Variants in H6PD observed in about 807,000 individuals in gnomAD.
The protein encoded by H6PD is GDH/6PGL endoplasmic bifunctional protein.
Under a neutral mutation model 61.2 loss-of-function variants are expected in H6PD, and 48 were observed. That is an observed-to-expected ratio of 0.78 (90% CI 0.62 to 1.00). H6PD has a LOEUF of 1.00. Among genes scored for constraint, H6PD ranks in the 50% least tolerant of loss-of-function variants. The pLI is 0.00. For missense variants in H6PD, 1,093 were observed against 1,065.0 expected (o/e 1.03, Z -0.37); for synonymous variants, 480 against 457.9 (o/e 1.05, Z -0.62).
At chr1:9,261,888 C>T (rs1638311545) in intron 3 of H6PD, among the ~76,000 whole-genome samples, 171 bp from the exon 4 acceptor site, 1 of 152,250 alleles carries the variant, frequency 6.6e-6, no homozygotes, top group South Asian at 2.1e-4. Context: ...CTTCCTCCCT[C>T]CCTTCTCGTG....
rs1638631122 is a variant in H6PD at position 9,268,172 on chromosome 1, G to C, written c.*3303G>C. 1 of 150,570 alleles carries C rather than the reference G, an allele frequency of 6.6e-6. No individual in the cohort carries two copies. Among genetic ancestry groups the C allele is most frequent in the Non-Finnish European group, 1.5e-5 (1 of 67,844 alleles). The allele number at this position is 150,570 out of a possible 1,614,324, so 9.3% of individuals were successfully genotyped here. On this transcript the variant is annotated 3_prime_UTR_variant, in exon 5 of 5. Transcript: ENST00000377403. The stretch of plus-strand genomic sequence containing the variant: ...GAGGATCACCTGAGCCCAGGAGACT[G>C]AGGCTGCAGTAAGGTGTGATTGCAC...
intron 1 of H6PD, chr1:9,242,772 A>T: frequency 1.0e-5 from 10 of 985,484 alleles, no homozygotes; most frequent in Non-Finnish European, 1.2e-5. Flanking sequence ...GCAGCTCTGA[A>T]GCGCAGCCTG....
intron 1 of H6PD, chr1:9,242,791 C>A: frequency 1.0e-6 from 1 of 985,450 alleles, no homozygotes; most frequent in Non-Finnish European, 1.2e-6. Flanking sequence ...TGCCAGCTGG[C>A]GGCTCCTCCT....
chr1:9,248,102 C>T (rs1641243051), intron 3 of H6PD, among the ~76,000 whole-genome samples: 2 of 152,216 alleles, frequency 1.3e-5, no homozygotes, highest in African/African-American at 2.4e-5. Context: ...CGCTGTGCTG[C>T]CAGCGCTGCG....
At chr1:9,252,724 G>A (rs975948437) in intron 3 of H6PD, among the ~76,000 whole-genome samples, 1 of 152,128 alleles carries the variant, frequency 6.6e-6, no homozygotes, top group Non-Finnish European at 1.5e-5. Flanking sequence ...ATATACTTCG[G>A]CAGTAGAATG....
In H6PD at chr1:9,245,348, G is replaced by T; in HGVS notation, c.414G>T (p.Arg138Ser). Reference sequence around the variant, plus strand: ...ACGCAGGCCTCCGGGAGGCTGGCAGGATCTTCTACTTCTCAGTGCCACCCT... The same window carrying T: ...ACGCAGGCCTCCGGGAGGCTGGCAGTATCTTCTACTTCTCAGTGCCACCCT... ...LQHAGLREAG[R>S]IFYFSVPPFA... The change falls in exon 2 of 5, where the codon AGG becomes AGT. Residue 138 changes from arginine (R) to serine (S), a missense_variant. Coordinates refer to ENST00000377403, the MANE Select transcript of H6PD (RefSeq NM_004285.4). This position sits in a 1 kb window ranked among gnomAD's most constrained non-coding sequence, Gnocchi z 4.8. 6.2e-7 allele frequency: 1 copy of T among 1,614,194 alleles called. No individual in the cohort carries two copies. Among genetic ancestry groups the T allele is most frequent in the South Asian group, 1.1e-5 (1 of 91,084 alleles).
chr1:9,257,398 A>C (rs1176831690), intron 3 of H6PD, among the ~76,000 whole-genome samples: 1 of 152,086 alleles, frequency 6.6e-6, no homozygotes. Context: ...TGGCCTCCCA[A>C]AGTGCTGGGA....
chr1:9,264,132 AG>A lies in H6PD; in HGVS notation c.1642del (p.Ala548ProfsTer16). 1.2e-6 allele frequency: 2 copies of A among 1,613,740 alleles called. No individual in the cohort carries two copies. Among genetic ancestry groups the A allele is most frequent in the Non-Finnish European group, 1.7e-6 (2 of 1,179,882 alleles). On this transcript the variant is annotated frameshift_variant, in exon 5 of 5. Coordinates refer to ENST00000377403, the MANE Select transcript of H6PD (RefSeq NM_004285.4). LOFTEE classifies it high-confidence loss of function. ...AATGCCCAGTGACTTCCAGGTCCTC[AG>A]GGCCAAGTACCGAGAGAGCCCGCTG... ...APMPSDFQVLRAKYRESPLVS... is the reference protein window; with the variant it reads ...APMPSDFQVLXAKYRESPLVS...
rs773959841 is a variant in H6PD at position 9,264,829 on chromosome 1, A to G, written c.2336A>G (p.Gln779Arg). Reference sequence around the variant, plus strand: ...TCGGGTGTCCTGCCGCACTCCGGCCAGCTGGTGTGGTACATGGACTACGAC... The same window carrying G: ...TCGGGTGTCCTGCCGCACTCCGGCCGGCTGGTGTGGTACATGGACTACGAC... The part of the protein sequence containing the change: ...PISGVLPHSG[Q>R]LVWYMDYDAF... Residue 779 changes from glutamine (Q) to arginine (R), a missense_variant, in exon 5 of 5, where the codon CAG becomes CGG. Coordinates refer to ENST00000377403, the MANE Select transcript of H6PD (RefSeq NM_004285.4). 6.2e-7 allele frequency: 1 copy of G among 1,612,556 alleles called. No homozygotes were observed. Among genetic ancestry groups the G allele is most frequent in the East Asian group, 2.2e-5 (1 of 44,878 alleles).
At chr1:9,260,216 G>A (rs1641677187) in intron 3 of H6PD, among the ~76,000 whole-genome samples, 1 of 151,694 alleles carries the variant, frequency 6.6e-6, no homozygotes. Flanking sequence ...GTTGACACTG[G>A]TGTTGCTGTT....
intron 3 of H6PD, 95 bp downstream of exon 3, chr1:9,247,178 T>A: frequency 1.2e-6 from 1 of 856,678 alleles, no homozygotes; most frequent in Non-Finnish European, 2.0e-6. Flanking sequence ...AGGTTTTCTG[T>A]GGGTGTGTGG....
In H6PD at chr1:9,268,895, A is replaced by C. The variant is rs1287098648; in HGVS notation, c.*4026A>C. 6.6e-6 allele frequency: 1 copy of C among 152,232 alleles called. No homozygotes were observed. Among genetic ancestry groups the C allele is most frequent in the East Asian group, 1.9e-4 (1 of 5,200 alleles). The allele number at this position is 152,232 out of a possible 1,614,324, so 9.4% of individuals were successfully genotyped here. A position where few individuals can be genotyped will look rare whatever the true frequency, so the allele number is the denominator to read the frequency against. The stretch of plus-strand genomic sequence containing the variant: ...AGGGAGACGCTTCCCAAAAACCTGC[A>C]GGGCTATTTCCCAGAATTTGGTTTT... On this transcript the variant is annotated 3_prime_UTR_variant, in exon 5 of 5. Transcript: ENST00000377403.
chr1:9,243,881 G>C (rs9434729), intron 1 of H6PD, among the ~76,000 whole-genome samples: 37,896 of 149,396 alleles, frequency 0.25, 6,321 homozygotes, highest in African/African-American at 0.47. Flanking sequence ...GGCGGTGGGA[G>C]GGGGGGTCTG....
rs139257464 is a variant in H6PD, at chr1:9,242,631, C to T, written c.-10-2294C>T. 749 of 985,460 alleles carry T rather than the reference C, an allele frequency of 7.6e-4. 1 individual carries two copies. The African/African-American group carries it at 0.012, about 16-fold the overall frequency. The allele number at this position is 985,460 out of a possible 1,614,324, so 61.0% of individuals were successfully genotyped here. A position where few individuals can be genotyped will look rare whatever the true frequency, so the allele number is the denominator to read the frequency against. ...GGTGGCCATCCGTCACAGCTGTCTG[C>T]AGTCTTCTGGGGTGGGGGCAGAGGT... On this transcript the variant is annotated intron_variant, in intron 1 of 4. Transcript: ENST00000377403.
chr1:9,245,326 C>T lies in H6PD; in HGVS notation c.392C>T (p.Ala131Val), dbSNP rs759551132. 1.2e-6 allele frequency: 2 copies of T among 1,614,198 alleles called. No homozygotes were observed. The highest frequency in any genetic ancestry group is 8.5e-7 in the Non-Finnish European group (1 of 1,180,020). The stretch of plus-strand genomic sequence containing the variant: ...GACATCGAGGCACAGCTCCAGCACG[C>T]AGGCCTCCGGGAGGCTGGCAGGATC... ...NKDIEAQLQHAGLREAGRIFY... is the reference protein window; with the variant it reads ...NKDIEAQLQHVGLREAGRIFY... Residue 131 changes from alanine to valine, a missense_variant, in exon 2 of 5, where the codon GCA becomes GTA. By Grantham distance (64) the Ala-to-Val change is moderately conservative (BLOSUM62 0). Transcript: ENST00000377403. The surrounding 1 kb of genome is among the most constrained non-coding windows in gnomAD (Gnocchi z 4.8).
chr1:9,242,885 G>A (rs1641040791), intron 1 of H6PD: 3 of 985,364 alleles, frequency 3.0e-6, no homozygotes, highest in Non-Finnish European at 3.6e-6. Context: ...CTCCAGACGA[G>A]CGATTGCCGG....
chr1:9,239,660 T>C (rs1640940916), intron 1 of H6PD, among the ~76,000 whole-genome samples: 2 of 152,160 alleles, frequency 1.3e-5, no homozygotes, highest in South Asian at 4.1e-4. Flanking sequence ...TTTAAAAAAT[T>C]CCAAACTCAT....
intron 3 of H6PD, among the ~76,000 whole-genome samples, chr1:9,260,172 T>C (rs952178267): frequency 6.6e-5 from 10 of 152,010 alleles, no homozygotes; most frequent in Middle Eastern, 3.4e-3. Context: ...AAGCTGGTGT[T>C]ATGTTGTTGT....
chr1:9,256,652 T>C (rs1411439277), intron 3 of H6PD, among the ~76,000 whole-genome samples: 1 of 152,200 alleles, frequency 6.6e-6, no homozygotes, highest in Non-Finnish European at 1.5e-5. Context: ...TAGGATCTGC[T>C]GCTTTTTGTC....
Sources: gnomAD v4.1 joint callset for allele counts (sites outside exome capture counted in the v4.1 genomes callset) on GRCh38, gnomAD v4.1.1 for gene constraint, Gnocchi (gnomAD v3.1) non-coding constraint, MANE v1.5 for transcripts, NCBI Gene and HGNC (gene_info 2026-07-23, HGNC 2026-07-21) for gene names.